The following LHFPL3 variants were observed in gnomAD, a reference collection of about 807,000 sequenced individuals.
The protein encoded by LHFPL3 is LHFPL tetraspan subfamily member 3, also known as LHFPL tetraspan subfamily member 3 protein.
A neutral mutation model predicts 19.3 loss-of-function variants in LHFPL3; 5 were observed. That is an observed-to-expected ratio of 0.26 (90% CI 0.14 to 0.54). The LOEUF is 0.54. Ranked by LOEUF, LHFPL3 falls within the 20% of genes least tolerant of loss-of-function variation. LHFPL3 has a pLI of 0.94. For missense variants in LHFPL3, 249 were observed against 307.4 expected (o/e 0.81, Z 1.42); for synonymous variants, 133 against 126.2 (o/e 1.05, Z -0.36).
At chr7:104,880,136 G>A (rs145055267) in intron 2 of LHFPL3, among the ~76,000 whole-genome samples, 88 of 152,222 alleles carry the variant, frequency 5.8e-4, no homozygotes, top group African/African-American at 1.9e-3. Context: ...TCCCAGTGTT[G>A]GAGGTGGGGC....
intron 1 of LHFPL3, among the ~76,000 whole-genome samples, chr7:104,333,729 T>C (rs1801611957): frequency 6.6e-6 from 1 of 152,240 alleles, no homozygotes; most frequent in Non-Finnish European, 1.5e-5. Context: ...CCATCCTATC[T>C]TGTGGCACCC....
chr7:104,436,011 A>T (rs1160300738), intron 1 of LHFPL3, among the ~76,000 whole-genome samples: 2 of 152,140 alleles, frequency 1.3e-5, no homozygotes, highest in African/African-American at 4.8e-5. Flanking sequence ...TGAGAATTAT[A>T]GTAGTAGTAA....
intron 1 of LHFPL3, among the ~76,000 whole-genome samples, chr7:104,664,302 T>C (rs1374301004): frequency 1.1e-5 from 1 of 93,024 alleles, no homozygotes; most frequent in Non-Finnish European, 2.3e-5. Context: ...AAATATTCTT[T>C]CTTTCAGCTT....
intron 1 of LHFPL3, among the ~76,000 whole-genome samples, chr7:104,453,986 A>G (rs983646080): frequency 1.3e-5 from 2 of 152,154 alleles, no homozygotes; most frequent in East Asian, 3.9e-4. Flanking sequence ...TCTTTTCTTT[A>G]TAAACTACCC....
At chr7:104,647,799 G>A (rs1791958159) in intron 1 of LHFPL3, among the ~76,000 whole-genome samples, 1 of 152,186 alleles carries the variant, frequency 6.6e-6, no homozygotes, top group African/African-American at 2.4e-5. Context: ...GGAAGGGGCA[G>A]CTTCTGTATC....
intron 2 of LHFPL3, among the ~76,000 whole-genome samples, chr7:104,774,228 C>T (rs6966171): frequency 0.81 from 122,864 of 152,182 alleles, 49,729 homozygotes; most frequent in East Asian, 0.88. Flanking sequence ...TCTCTTCCTT[C>T]TCTTACAGAG....
intron 1 of LHFPL3, among the ~76,000 whole-genome samples, chr7:104,641,087 T>C (rs1246460683): frequency 6.6e-6 from 1 of 152,226 alleles, no homozygotes; most frequent in Non-Finnish European, 1.5e-5. Context: ...AGGTTGAAAG[T>C]ATAGCAGGGA....
intron 2 of LHFPL3, among the ~76,000 whole-genome samples, chr7:104,896,474 G>A (rs902726079): frequency 6.6e-6 from 1 of 152,152 alleles, no homozygotes; most frequent in African/African-American, 2.4e-5. Flanking sequence ...GGATGACTGG[G>A]GCAAAACAGA....
chr7:104,518,714 G>T (rs910643006), intron 1 of LHFPL3, among the ~76,000 whole-genome samples: 4 of 152,088 alleles, frequency 2.6e-5, no homozygotes, highest in Admixed American at 2.0e-4. Context: ...AACATGGGAG[G>T]TGGAGGTTGC....
At chr7:104,501,845 T>G (rs1165924330) in intron 1 of LHFPL3, among the ~76,000 whole-genome samples, 1 of 152,230 alleles carries the variant, frequency 6.6e-6, no homozygotes, top group Non-Finnish European at 1.5e-5. Context: ...ACTCTGCGAT[T>G]GAATTAGCAG....
intron 1 of LHFPL3, among the ~76,000 whole-genome samples, chr7:104,520,419 G>T (rs1295672051): frequency 6.8e-6 from 1 of 146,284 alleles, no homozygotes; most frequent in African/African-American, 2.6e-5. Flanking sequence ...TTTTTTTGTT[G>T]TGTCTCTGCC....
At chr7:104,620,187 A>G (rs1745228085) in intron 1 of LHFPL3, among the ~76,000 whole-genome samples, 1 of 152,188 alleles carries the variant, frequency 6.6e-6, no homozygotes, top group Non-Finnish European at 1.5e-5. Flanking sequence ...CCCTAAGACA[A>G]GCCTGGGACC....
At chr7:104,342,501 A>G (rs1789977798) in intron 1 of LHFPL3, among the ~76,000 whole-genome samples, 1 of 152,170 alleles carries the variant, frequency 6.6e-6, no homozygotes, top group African/African-American at 2.4e-5. Context: ...GTTTCCTTAA[A>G]TAAAACAAAA....
rs1219933687 is a variant in LHFPL3 at position 104,558,867 on chromosome 7, G to A, written c.446-177808G>A. 9.7e-5 allele frequency among the ~76,000 whole-genome samples: 14 copies of A among 144,924 alleles called. No individual in the cohort carries two copies. The East Asian group carries it at 2.3e-3, about 24-fold the overall frequency. On this transcript the variant is annotated intron_variant, in intron 1 of 2. Coordinates refer to ENST00000424859, the MANE Select transcript of LHFPL3 (RefSeq NM_199000.3). ...GAATTGATTTTTGTGTAAGGTGTAA[G>A]GAAGGGATCCAGTTTCAGCTTTCTA...
At chr7:104,713,896 G>C (rs886712276) in intron 1 of LHFPL3, among the ~76,000 whole-genome samples, 14 of 152,066 alleles carry the variant, frequency 9.2e-5, no homozygotes, top group African/African-American at 3.1e-4. Flanking sequence ...CAAATCTCAG[G>C]CTCCCTGCTC....
intron 1 of LHFPL3, among the ~76,000 whole-genome samples, chr7:104,698,527 G>A (rs1410393512): frequency 6.6e-6 from 1 of 152,150 alleles, no homozygotes; most frequent in African/African-American, 2.4e-5. Context: ...AAAGTAAAAT[G>A]TCTACCCACA....
intron 2 of LHFPL3, among the ~76,000 whole-genome samples, chr7:104,827,248 A>T (rs1277584595): frequency 1.3e-5 from 2 of 152,028 alleles, no homozygotes; most frequent in Non-Finnish European, 2.9e-5. Flanking sequence ...TTGGAAGGCA[A>T]GCTCCTGTTT....
chr7:104,511,964 TG>T (rs1199884822), intron 1 of LHFPL3, among the ~76,000 whole-genome samples: 5 of 148,240 alleles, frequency 3.4e-5, no homozygotes, highest in African/African-American at 1.2e-4. Flanking sequence ...TTTTTTTTTT[TG>T]GAGGAGGGGA....
chr7:104,512,613 A>G (rs761203743), intron 1 of LHFPL3, among the ~76,000 whole-genome samples: 3 of 151,958 alleles, frequency 2.0e-5, no homozygotes, highest in Non-Finnish European at 4.4e-5. Context: ...ACAGAAGCTT[A>G]TAATCCCAGC....
Sources: gnomAD v4.1 joint callset for allele counts (sites outside exome capture counted in the v4.1 genomes callset) on GRCh38, gnomAD v4.1.1 for gene constraint, MANE v1.5 for transcripts, NCBI Gene and HGNC (gene_info 2026-07-23, HGNC 2026-07-21) for gene names.